AKAP19: variants seen among roughly 807,000 people sequenced by gnomAD.
AKAP19 encodes A-kinase anchoring protein 19.
At chr2:189,899,934 C>G in the AKAP19 span, among the ~76,000 whole-genome samples, 1 of 151,928 alleles carries the variant, frequency 6.6e-6, no homozygotes, top group Non-Finnish European at 1.5e-5. Flanking sequence ...AATTTCTATC[C>G]TTTAAAAAAA....
At chr2:190,144,385 A>T in the AKAP19 span, among the ~76,000 whole-genome samples, 4 of 152,102 alleles carry the variant, frequency 2.6e-5, no homozygotes, top group African/African-American at 9.6e-5. Context: ...GCTGAAGTTT[A>T]TTCAGATATC....
At chr2:190,110,813 C>T in the AKAP19 span, among the ~76,000 whole-genome samples, 6 of 152,086 alleles carry the variant, frequency 3.9e-5, no homozygotes, top group South Asian at 2.1e-4. Context: ...TGGCACTTTC[C>T]GATGCCGTGT....
At chr2:190,068,473 G>T in the AKAP19 span, among the ~76,000 whole-genome samples, 1 of 152,116 alleles carries the variant, frequency 6.6e-6, no homozygotes, top group Admixed American at 6.5e-5. Flanking sequence ...GGGATTACAG[G>T]TGTGTGCCAC....
chr2:190,172,515 T>C, the AKAP19 span, among the ~76,000 whole-genome samples: 1 of 152,180 alleles, frequency 6.6e-6, no homozygotes, highest in Admixed American at 6.5e-5. Context: ...ACCAGTTTTG[T>C]TGACAACCCA....
the AKAP19 span, among the ~76,000 whole-genome samples, chr2:189,910,234 C>T: frequency 2.0e-5 from 3 of 152,010 alleles, no homozygotes; most frequent in African/African-American, 7.2e-5. Context: ...TAATTTATAA[C>T]ACCTACTTTT....
the AKAP19 span, among the ~76,000 whole-genome samples, chr2:190,128,800 T>C: frequency 6.6e-6 from 1 of 152,188 alleles, no homozygotes; most frequent in Non-Finnish European, 1.5e-5. Flanking sequence ...GAAAAGTCTC[T>C]AATAGTATAA....
chr2:190,189,712 A>G, the AKAP19 span: 3 of 152,198 alleles, frequency 2.0e-5, no homozygotes, highest in Non-Finnish European at 1.5e-5. Flanking sequence ...GAACAACACA[A>G]TAAAGGACAA....
chr2:189,889,967 C>G, the AKAP19 span, among the ~76,000 whole-genome samples: 2 of 152,222 alleles, frequency 1.3e-5, no homozygotes, highest in East Asian at 3.9e-4. Context: ...CTTCTGCTAG[C>G]TTTTGAATTT....
At chr2:190,152,600 T>C in the AKAP19 span, among the ~76,000 whole-genome samples, 1 of 152,246 alleles carries the variant, frequency 6.6e-6, no homozygotes, top group Non-Finnish European at 1.5e-5. Flanking sequence ...CAGAATTTCA[T>C]AGGCTATTTT....
chr2:190,057,280 A>G, the AKAP19 span: 3 of 1,613,348 alleles, frequency 1.9e-6, no homozygotes, highest in Non-Finnish European at 2.5e-6. Flanking sequence ...ACAGCGGTCT[A>G]CTACCATCGC....
At chr2:190,096,069 C>A in the AKAP19 span, among the ~76,000 whole-genome samples, 2 of 152,062 alleles carry the variant, frequency 1.3e-5, no homozygotes, top group Non-Finnish European at 2.9e-5. Flanking sequence ...CCATCCTGGT[C>A]TCAGGAGTCA....
At chr2:189,992,637 T>G in the AKAP19 span, among the ~76,000 whole-genome samples, 68 of 152,344 alleles carry the variant, frequency 4.5e-4, no homozygotes, top group African/African-American at 1.6e-3. Flanking sequence ...ACAATACTGA[T>G]TCTACTCATC....
chr2:190,009,571 A>G, the AKAP19 span, among the ~76,000 whole-genome samples: 1 of 152,210 alleles, frequency 6.6e-6, no homozygotes, highest in Admixed American at 6.5e-5. Context: ...GGAAGGAAAG[A>G]TTAGGAATTT....
At chr2:190,156,065 C>G in the AKAP19 span, among the ~76,000 whole-genome samples, 1 of 151,902 alleles carries the variant, frequency 6.6e-6, no homozygotes, top group Non-Finnish European at 1.5e-5. Flanking sequence ...AGTGACCTGC[C>G]TCACTAGATT....
At chr2:189,902,570 T>C in the AKAP19 span, among the ~76,000 whole-genome samples, 2 of 152,134 alleles carry the variant, frequency 1.3e-5, no homozygotes, top group East Asian at 3.9e-4. Context: ...CCTTAAAGCT[T>C]TGGATTCAGT....
At chr2:189,884,594 A>G in the AKAP19 span, among the ~76,000 whole-genome samples, 1 of 152,206 alleles carries the variant, frequency 6.6e-6, no homozygotes, top group Non-Finnish European at 1.5e-5. Context: ...TATTGAAGCA[A>G]TTCAGTTTTA....
the AKAP19 span, among the ~76,000 whole-genome samples, chr2:190,134,650 C>T: frequency 2.4e-5 from 3 of 125,734 alleles, no homozygotes; most frequent in Non-Finnish European, 3.4e-5. Context: ...AAATAAGAAG[C>T]TTATTTCCTA....
At chr2:190,168,170 C>T in the AKAP19 span, among the ~76,000 whole-genome samples, 1 of 152,206 alleles carries the variant, frequency 6.6e-6, no homozygotes, top group Non-Finnish European at 1.5e-5. Flanking sequence ...GCTCAACACC[C>T]TGTGGAAGCT....
the AKAP19 span, among the ~76,000 whole-genome samples, chr2:190,084,521 G>A: frequency 6.6e-6 from 1 of 151,994 alleles, no homozygotes; most frequent in Admixed American, 6.6e-5. Flanking sequence ...CTATTTTTTT[G>A]AGGCTGTATT....
Sources: gnomAD v4.1 joint callset for allele counts (sites outside exome capture counted in the v4.1 genomes callset) on GRCh38, gnomAD v4.1.1 for gene constraint, MANE v1.5 for transcripts, NCBI Gene and HGNC (gene_info 2026-07-23, HGNC 2026-07-21) for gene names.